Variants in SLC6A4 observed in about 807,000 individuals in gnomAD.
SLC6A4 encodes the protein sodium-dependent serotonin transporter.
SLC6A4 carries 22 observed loss-of-function variants against 73.4 expected under a neutral mutation model. That is an observed-to-expected ratio of 0.30 (90% CI 0.21 to 0.43). The LOEUF is 0.43. SLC6A4 is among the 20% of genes least tolerant of loss of function. SLC6A4 has a pLI of 1.00. For synonymous variants in SLC6A4, 270 were observed against 315.5 expected, an observed-to-expected ratio of 0.86 and a Z score of 1.53; for missense variants, 593 against 808.5, an observed-to-expected ratio of 0.73 and a Z score of 3.23.
At chr17:30,213,251 T>C (rs1815786752) in intron 8 of SLC6A4, among the ~76,000 whole-genome samples, 4 of 152,086 alleles carry the variant, frequency 2.6e-5, no homozygotes, top group Admixed American at 2.6e-4. Flanking sequence ...AGGCTTTATC[T>C]TCAAACTAAG....
chr17:30,234,107 G>A (rs142485776), intron 1 of SLC6A4, among the ~76,000 whole-genome samples: 1 of 151,980 alleles, frequency 6.6e-6, no homozygotes, highest in African/African-American at 2.4e-5. Flanking sequence ...ATGCTCAGAC[G>A]ACTCTAAACA....
chr17:30,201,674 A>G (rs953418271), intron 14 of SLC6A4, among the ~76,000 whole-genome samples: 2 of 152,214 alleles, frequency 1.3e-5, no homozygotes, highest in Admixed American at 1.3e-4. Context: ...ACGGGACCCA[A>G]GGCTCTTTAG....
chr17:30,230,122 A>AGAGGAGGAGGAG lies in SLC6A4; in HGVS notation c.-221+5479_-221+5490dup, dbSNP rs111715707. Among the ~76,000 whole-genome samples the AGAGGAGGAGGAG allele has an allele frequency of 5.6e-4, 69 of 123,644 alleles. 1 individual carries two copies. Among genetic ancestry groups the AGAGGAGGAGGAG allele is most frequent in the African/African-American group, 2.0e-3 (65 of 32,126 alleles). 81.1% of individuals were successfully genotyped at this position (123,644 alleles called of 152,430 possible). A position where few individuals can be genotyped will look rare whatever the true frequency, so the allele number is the denominator to read the frequency against. ...AGGAGGAAGAGGAAGAGGAAGAGGA[A>AGAGGAGGAGGAG]GAGGAGGAGGAGGAGGAGGAGGAGG... On this transcript the variant is annotated intron_variant, in intron 1 of 14. Transcript: ENST00000650711.
chr17:30,216,514 T>A (rs1291796371), intron 6 of SLC6A4, among the ~76,000 whole-genome samples: 1 of 151,836 alleles, frequency 6.6e-6, no homozygotes, highest in African/African-American at 2.4e-5. Flanking sequence ...CTGGCCAGTG[T>A]ATAAAAAGCA....
intron 1 of SLC6A4, among the ~76,000 whole-genome samples, chr17:30,232,690 C>T (rs953539042): frequency 2.0e-5 from 3 of 152,186 alleles, no homozygotes; most frequent in African/African-American, 4.8e-5. Context: ...TCCACTTTAT[C>T]GCTACTCATT....
intron 4 of SLC6A4, 137 bp downstream of exon 4, chr17:30,218,660 C>G (rs983680799): frequency 1.1e-6 from 1 of 876,342 alleles, no homozygotes; most frequent in South Asian, 1.6e-5. Context: ...GCAGTCAAAA[C>G]CTTAATTACT....
chr17:30,213,302 CTTTTTT>C lies in SLC6A4; in HGVS notation c.1077-441_1077-436del, dbSNP rs3034289. 5.1e-3 allele frequency among the ~76,000 whole-genome samples: 662 copies of C among 129,834 alleles called. 4 individuals carry two copies. The highest frequency in any genetic ancestry group is 0.019 in the African/African-American group (641 of 34,152). 85.2% of individuals were successfully genotyped at this position (129,834 alleles called of 152,430 possible). ...CAGAGAGATACCCTCATTTTTTTTT[CTTTTTT>C]TTTTTTTTTTTTGAGACAGAGCCTT... On this transcript the variant is annotated intron_variant, in intron 8 of 14. Transcript: ENST00000650711.
chr17:30,229,483 T>C (rs1480973326), intron 1 of SLC6A4, among the ~76,000 whole-genome samples: 1 of 152,154 alleles, frequency 6.6e-6, no homozygotes, highest in Admixed American at 6.5e-5. Context: ...AAACTAAATT[T>C]AAGGAAAGAA....
intron 13 of SLC6A4, chr17:30,204,206 AT>A (rs1906120869): frequency 6.6e-6 from 1 of 152,222 alleles, no homozygotes. Flanking sequence ...CGAAATTGTT[AT>A]TGCTGTTGAT....
chr17:30,221,545 C>T (rs1329063287), intron 3 of SLC6A4, 71 bp downstream of exon 3: 33 of 1,404,556 alleles, frequency 2.3e-5, no homozygotes, highest in African/African-American at 7.1e-5. Flanking sequence ...CAGCCCACCC[C>T]GGGTCACAGC....
chr17:30,232,324 C>G (rs1907137292), intron 1 of SLC6A4, among the ~76,000 whole-genome samples: 1 of 152,184 alleles, frequency 6.6e-6, no homozygotes, highest in Non-Finnish European at 1.5e-5. Context: ...CTGGTCTCAT[C>G]ATAACCCCTC....
At chr17:30,215,497 T>G (rs1906544240) in intron 8 of SLC6A4, 114 bp downstream of exon 8, 1 of 835,674 alleles carries the variant, frequency 1.2e-6, no homozygotes, top group African/African-American at 1.7e-5. Context: ...GGCAGTGGTA[T>G]CAAGGCCTAA....
intron 12 of SLC6A4, 99 bp from the exon 13 acceptor site, chr17:30,207,931 G>T: frequency 1.2e-6 from 1 of 820,390 alleles, no homozygotes; most frequent in Non-Finnish European, 2.0e-6. Context: ...CACAGGATCA[G>T]CACTGGGAAT....
At chr17:30,209,117 C>G (rs200865316) in intron 12 of SLC6A4, 26 bp downstream of exon 12, 2 of 1,553,010 alleles carry the variant, frequency 1.3e-6, no homozygotes, top group East Asian at 4.5e-5. Flanking sequence ...TAGAAGGGAC[C>G]CAGCTGGCTG....
intron 1 of SLC6A4, among the ~76,000 whole-genome samples, chr17:30,224,464 C>G (rs186297586): frequency 2.2e-4 from 34 of 152,186 alleles, no homozygotes; most frequent in South Asian, 8.3e-4. Context: ...ATGATCCACC[C>G]GCCTTGGCCT....
chr17:30,230,137 G>GGAGGAGGAGGAGGAAGAGGAAGAGGAA (rs1567824258), intron 1 of SLC6A4, among the ~76,000 whole-genome samples: 2 of 150,172 alleles, frequency 1.3e-5, no homozygotes, highest in African/African-American at 5.0e-5. Flanking sequence ...AGGAGGAGGA[G>GGAGGAGGAGGAGGAAGAGGAAGAGGAA]GAGGAGGAGG....
At position 30,218,390 on chromosome 17, in the gene SLC6A4, C is replaced by T. The variant is rs555416051; in HGVS notation, c.479-53G>A. ...GAGGCCGAGTTTAAGGGTGGCCCAACGGCAAAAGGCTGAAACGGGGCACTG... is the reference window on the plus strand; with the variant it reads ...GAGGCCGAGTTTAAGGGTGGCCCAATGGCAAAAGGCTGAAACGGGGCACTG... On this transcript the variant is annotated intron_variant, in intron 4 of 14. Transcript: ENST00000650711. The T allele has an allele frequency of 1.1e-4, 163 of 1,424,418 alleles. 1 individual carries two copies. Among genetic ancestry groups the T allele is most frequent in the Middle Eastern group, 2.2e-4 (1 of 4,586 alleles). The allele number at this position is 1,424,418 out of a possible 1,614,324, so 88.2% of individuals were successfully genotyped here.
chr17:30,218,065 C>T, intron 5 of SLC6A4, 53 bp downstream of exon 5: 1 of 1,479,390 alleles, frequency 6.8e-7, no homozygotes, highest in Non-Finnish European at 9.4e-7. Flanking sequence ...AAGCCAAACC[C>T]CAGGGGTGTG....
At chr17:30,205,169 G>C (rs895043284) in intron 13 of SLC6A4, among the ~76,000 whole-genome samples, 4 of 152,092 alleles carry the variant, frequency 2.6e-5, no homozygotes, top group African/African-American at 9.7e-5. Context: ...GGATCTTTTT[G>C]AATTAATTTT....
Sources: gnomAD v4.1 joint callset for allele counts (sites outside exome capture counted in the v4.1 genomes callset) on GRCh38, gnomAD v4.1.1 for gene constraint, MANE v1.5 for transcripts, NCBI Gene and HGNC (gene_info 2026-07-23, HGNC 2026-07-21) for gene names.